NAMPT: variants seen among roughly 807,000 people sequenced by gnomAD.
NAMPT encodes the protein NAmPRTase.
NAMPT carries 7 observed loss-of-function variants against 58.7 expected under a neutral mutation model. That is an observed-to-expected ratio of 0.12 (90% CI 0.07 to 0.22). NAMPT has a LOEUF of 0.22. NAMPT is among the 10% of genes least tolerant of loss of function. NAMPT has a pLI of 1.00. For synonymous variants in NAMPT, 145 were observed against 198.1 expected, an observed-to-expected ratio of 0.73 and a Z score of 2.25; for missense variants, 271 against 567.9, an observed-to-expected ratio of 0.48 and a Z score of 5.31.
In NAMPT at chr7:106,261,824, A is replaced by G. The variant is rs1792308845; in HGVS notation, c.970-117T>C. ...CGAGAATATAAAAATTAACTACTTT[A>G]AAAATTTTATAACACTATGTATATG... On this transcript the variant is annotated intron_variant, in intron 7 of 10. Coordinates refer to ENST00000222553, the MANE Select transcript of NAMPT (RefSeq NM_005746.3). 6 of 1,118,992 alleles carry G rather than the reference A, an allele frequency of 5.4e-6. No homozygotes were observed. The South Asian group carries it at 8.8e-5, about 16-fold the overall frequency. The allele number at this position is 1,118,992 out of a possible 1,614,324, so 69.3% of individuals were successfully genotyped here.
chr7:106,269,394 T>C, intron 4 of NAMPT, 82 bp from the exon 5 acceptor site: 1 of 1,333,326 alleles, frequency 7.5e-7, no homozygotes. Context: ...TTTTTTTTTT[T>C]TTGGAGGTAT....
rs1792069592 is a variant in NAMPT at position 106,249,274 on chromosome 7, T to C, written c.*1809A>G. 1 of 152,520 alleles carries C rather than the reference T, an allele frequency of 6.6e-6. No homozygotes were observed. The highest frequency in any genetic ancestry group is 1.5e-5 in the Non-Finnish European group (1 of 67,968). The allele number at this position is 152,520 out of a possible 1,614,324, so 9.4% of individuals were successfully genotyped here. On this transcript the variant is annotated 3_prime_UTR_variant, in exon 11 of 11. Coordinates refer to ENST00000222553, the MANE Select transcript of NAMPT (RefSeq NM_005746.3). Reference sequence around the variant, plus strand: ...TTCTCACTACATGTTTAAAGAACCATCTGAAAAACATATTCTTTCTAATAC... The same window carrying C: ...TTCTCACTACATGTTTAAAGAACCACCTGAAAAACATATTCTTTCTAATAC...
Position 106,272,678 on chromosome 7 carries a change from A to T in NAMPT, c.319-20T>A, listed in dbSNP as rs1562817536. 6.2e-7 allele frequency: 1 copy of T among 1,611,426 alleles called. No individual in the cohort carries two copies. The highest frequency in any genetic ancestry group is 1.3e-5 in the African/African-American group (1 of 74,908). On this transcript the variant is annotated intron_variant, in intron 3 of 10. Coordinates refer to ENST00000222553, the MANE Select transcript of NAMPT (RefSeq NM_005746.3). ...ATACTTCTGGCAGGATAAAATGATA[A>T]ATTTATTTATTCAACAGATGATACT...
In NAMPT at chr7:106,254,358, A is replaced by G. The variant is rs775767976; in HGVS notation, c.1230+6T>C. The G allele has an allele frequency of 1.2e-6, 2 of 1,613,426 alleles. No homozygotes were observed. Among genetic ancestry groups the G allele is most frequent in the South Asian group, 1.1e-5 (1 of 91,068 alleles). On this transcript the variant is annotated splice_donor_region_variant and intron_variant, in intron 9 of 10. Transcript: ENST00000222553. ...GTAACACAGAAGTAATTAAAAGGTG[A>G]CATACCCCAAGGCCATTAGTTACAA...
chr7:106,276,750 G>C (rs1184690419), intron 2 of NAMPT: 1 of 319,324 alleles, frequency 3.1e-6, no homozygotes, highest in Admixed American at 4.4e-5. Context: ...GCAGAGGCAG[G>C]AGAATTGCCT....
chr7:106,248,955 A>G lies in NAMPT; in HGVS notation c.*2128T>C, dbSNP rs1586007151. ...TGTGAACAAAGAGATAGCTTTTTTC[A>G]CTGCAAATTTCTAAATTAAACTCTA... On this transcript the variant is annotated 3_prime_UTR_variant, in exon 11 of 11. Coordinates refer to ENST00000222553, the MANE Select transcript of NAMPT (RefSeq NM_005746.3). The G allele has an allele frequency of 6.6e-6, 1 of 152,106 alleles. No homozygotes were observed. The allele number at this position is 152,106 out of a possible 1,614,324, so 9.4% of individuals were successfully genotyped here. A position where few individuals can be genotyped will look rare whatever the true frequency, so the allele number is the denominator to read the frequency against.
At chr7:106,277,605 T>C (rs1792674642) in intron 1 of NAMPT, among the ~76,000 whole-genome samples, 1 of 152,218 alleles carries the variant, frequency 6.6e-6, no homozygotes, top group African/African-American at 2.4e-5. Flanking sequence ...TTAACATGAC[T>C]ACTTTACTTG....
intron 6 of NAMPT, among the ~76,000 whole-genome samples, chr7:106,267,858 A>AAAAAAAAAAAAAAAAC (rs1792451619): frequency 7.4e-6 from 1 of 134,374 alleles, no homozygotes; most frequent in Non-Finnish European, 1.6e-5. Flanking sequence ...AAAAAAAAAA[A>AAAAAAAAAAAAAAAAC]AAAAAAAAAA....
intron 6 of NAMPT, among the ~76,000 whole-genome samples, chr7:106,263,862 G>T (rs535526179): frequency 3.9e-4 from 60 of 152,044 alleles, no homozygotes; most frequent in Non-Finnish European, 7.4e-4. Context: ...TTCTAACCTC[G>T]TATTTTCAAC....
intron 4 of NAMPT, 33 bp downstream of exon 4, chr7:106,272,497 T>C: frequency 3.2e-6 from 5 of 1,560,230 alleles, no homozygotes; most frequent in Non-Finnish European, 4.4e-6. Flanking sequence ...TTTATTCAAT[T>C]AATGTTAAAT....
At chr7:106,268,211 C>G in intron 6 of NAMPT, 1 of 279,340 alleles carries the variant, frequency 3.6e-6, no homozygotes, top group Non-Finnish European at 6.7e-6. Context: ...AAAAAAATTC[C>G]TTAAAAGAAA....
At chr7:106,252,413 G>C (rs1586009403) in intron 10 of NAMPT, among the ~76,000 whole-genome samples, 1 of 152,094 alleles carries the variant, frequency 6.6e-6, no homozygotes, top group East Asian at 1.9e-4. Context: ...AGCAGTAATT[G>C]TGATGTAGTA....
rs778137163 is a variant in NAMPT, at chr7:106,284,822, C to A, written c.57+6G>T. Reference sequence around the variant, plus strand: ...CCTCCTCATCTGCCCGGGCCCCGAGCTTTACCTTGTAGGAGTCGGTGGCCA... The same window carrying A: ...CCTCCTCATCTGCCCGGGCCCCGAGATTTACCTTGTAGGAGTCGGTGGCCA... On this transcript the variant is annotated splice_donor_region_variant and intron_variant, in intron 1 of 10. Coordinates refer to ENST00000222553, the MANE Select transcript of NAMPT (RefSeq NM_005746.3). 3.3e-4 allele frequency: 504 copies of A among 1,545,848 alleles called. 1 individual carries two copies. Among genetic ancestry groups the A allele is most frequent in the Admixed American group, 1.7e-3 (88 of 51,438 alleles).
intron 8 of NAMPT, among the ~76,000 whole-genome samples, chr7:106,260,203 A>T (rs1464678192): frequency 6.6e-6 from 1 of 152,242 alleles, no homozygotes; most frequent in Non-Finnish European, 1.5e-5. Context: ...CTACACTGAC[A>T]ATCTGTTTAG....
rs987304144 is a variant in NAMPT at position 106,249,485 on chromosome 7, GAAGACAA to G, written c.*1591_*1597del. 2 of 152,322 alleles carry G rather than the reference GAAGACAA, an allele frequency of 1.3e-5. No individual in the cohort carries two copies. Among genetic ancestry groups the G allele is most frequent in the Non-Finnish European group, 2.9e-5 (2 of 67,914 alleles). The allele number at this position is 152,322 out of a possible 1,614,324, so 9.4% of individuals were successfully genotyped here. ...TATCGGATTCTTAAGTGAGAAAAAA[GAAGACAA>G]AAGAGGAAAATTCCGTATCAATTAT... On this transcript the variant is annotated 3_prime_UTR_variant, in exon 11 of 11. Transcript: ENST00000222553.
chr7:106,282,247 C>G (rs1792780041), intron 1 of NAMPT, among the ~76,000 whole-genome samples: 1 of 151,934 alleles, frequency 6.6e-6, no homozygotes, highest in Non-Finnish European at 1.5e-5. Flanking sequence ...GCCTTGAATT[C>G]CTAATCACCA....
At chr7:106,273,838 C>A (rs1050905190) in intron 3 of NAMPT, among the ~76,000 whole-genome samples, 3 of 151,794 alleles carry the variant, frequency 2.0e-5, no homozygotes, top group Non-Finnish European at 4.4e-5. Context: ...TTTTCAAGAC[C>A]CATAAGTACC....
chr7:106,252,946 ACCT>A, intron 10 of NAMPT, 68 bp downstream of exon 10: 3 of 1,522,968 alleles, frequency 2.0e-6, no homozygotes, highest in Non-Finnish European at 2.7e-6. Flanking sequence ...TAACATAAAA[ACCT>A]CCTTTCTTAT....
chr7:106,267,242 C>T (rs1402606793), intron 6 of NAMPT, among the ~76,000 whole-genome samples: 2 of 152,076 alleles, frequency 1.3e-5, no homozygotes, highest in Non-Finnish European at 2.9e-5. Flanking sequence ...ATTGTACCTC[C>T]TTACGAGGAG....
Sources: allele counts gnomAD v4.1 joint callset (sites outside exome capture counted in the v4.1 genomes callset), GRCh38; gene constraint gnomAD v4.1.1; transcripts MANE v1.5; gene names NCBI Gene and HGNC (gene_info 2026-07-23, HGNC 2026-07-21).